Variants in RRAGB observed in about 807,000 individuals in gnomAD.
The protein encoded by RRAGB is ras-related GTP-binding protein B.
Under a neutral mutation model 29.3 loss-of-function variants are expected in RRAGB, and 6 were observed. That is an observed-to-expected ratio of 0.21 (90% confidence interval 0.11 to 0.40). The LOEUF is 0.40. RRAGB is among the 10% of genes least tolerant of loss of function. RRAGB has a pLI of 1.00. For missense variants in RRAGB, 184 were observed against 272.9 expected (o/e 0.67, Z 2.29); for synonymous variants, 101 against 92.5 (o/e 1.09, Z -0.53).
intron 6 of RRAGB, chrX:55,752,252 G>A (rs1234204941): frequency 6.7e-6 from 5 of 751,412 alleles, no homozygotes; most frequent in East Asian, 1.5e-4. Context: ...ACAGGTAACC[G>A]TGAATAAGGA....
In RRAGB at chrX:55,719,355, G is replaced by C; in HGVS notation, c.126+8G>C. ...ACAGCCATGAAGAAAAAGGTAAGAC[G>C]TGTTAGATACGTCAAAACCATGAAG... On this transcript the variant is annotated splice_region_variant and intron_variant, in intron 2 of 9. Coordinates refer to ENST00000374941, the MANE Select transcript of RRAGB (RefSeq NM_006064.5). The C allele has an allele frequency of 8.6e-7, 1 of 1,168,634 alleles. No individual in the cohort carries two copies. Among genetic ancestry groups the C allele is most frequent in the South Asian group, 2.0e-5 (1 of 50,649 alleles).
chrX:55,732,619 C>T (rs938841185), intron 5 of RRAGB, among the ~76,000 whole-genome samples: 13 of 111,710 alleles, frequency 1.2e-4, no homozygotes, highest in Non-Finnish European at 2.1e-4. Flanking sequence ...TTTCAAAAAC[C>T]ATTTGAAGGG....
At chrX:55,756,786 ACAGT>A (rs1459926987) in intron 8 of RRAGB, among the ~76,000 whole-genome samples, 1 of 111,595 alleles carries the variant, frequency 9.0e-6, no homozygotes, top group African/African-American at 3.3e-5. Flanking sequence ...TTTTCATTTC[ACAGT>A]CAGTTTCAAG....
At chrX:55,725,910 G>A in intron 3 of RRAGB, among the ~76,000 whole-genome samples, 1 of 111,012 alleles carries the variant, frequency 9.0e-6, no homozygotes, top group South Asian at 3.8e-4. Flanking sequence ...CCGTAAGTGT[G>A]TGTCATTCCC....
At position 55,725,419 on chromosome X, in the gene RRAGB, A is replaced by G. The variant is rs149180154; in HGVS notation, c.226+3134A>G. Among the ~76,000 whole-genome samples, 97 of 112,107 alleles carry G rather than the reference A, an allele frequency of 8.7e-4. 1 individual carries two copies. The highest frequency in any genetic ancestry group is 2.8e-3 in the African/African-American group (86 of 30,930). On this transcript the variant is annotated intron_variant, in intron 3 of 9. Transcript: ENST00000374941. ...AGAAATACCTGCGTTCTATTGCTAA[A>G]CTTATAGACAAGTTCAAAATGCATA...
At chrX:55,738,384 G>A (rs2033938262) in intron 5 of RRAGB, among the ~76,000 whole-genome samples, 2 of 112,091 alleles carry the variant, frequency 1.8e-5, no homozygotes, top group South Asian at 7.4e-4. Context: ...ATGTTGAGTG[G>A]ATCTGGACCA....
intron 5 of RRAGB, chrX:55,731,802 G>A: frequency 2.7e-6 from 1 of 375,892 alleles, no homozygotes. Context: ...AATTAGGCAA[G>A]GATTCTGTCC....
chrX:55,733,632 C>T (rs749308971), intron 5 of RRAGB, among the ~76,000 whole-genome samples: 1 of 112,301 alleles, frequency 8.9e-6, no homozygotes, highest in Non-Finnish European at 1.9e-5. Flanking sequence ...TTGAACCATA[C>T]TTGCATCCCT....
At chrX:55,754,483 C>T (rs955261685) in intron 7 of RRAGB, among the ~76,000 whole-genome samples, 2 of 112,247 alleles carry the variant, frequency 1.8e-5, no homozygotes, top group African/African-American at 6.5e-5. Context: ...AAGAGCAGTT[C>T]CCAGTAAATA....
intron 3 of RRAGB, among the ~76,000 whole-genome samples, chrX:55,726,243 C>G (rs2033469847): frequency 9.0e-6 from 1 of 111,490 alleles, no homozygotes; most frequent in Non-Finnish European, 1.9e-5. Flanking sequence ...GTGAAAAATT[C>G]AAACATTACA....
Position 55,722,176 on chromosome X carries a change from T to G in RRAGB, c.127-10T>G. ...CTTTTTTCCTTTCCTTTTCCCTACT[T>G]TGTCCTTAGGTGCTGTTGATGGGTA... On this transcript the variant is annotated splice_polypyrimidine_tract_variant and intron_variant, in intron 2 of 9. Coordinates refer to ENST00000374941, the MANE Select transcript of RRAGB (RefSeq NM_006064.5). 8.9e-7 allele frequency: 1 copy of G among 1,122,071 alleles called. No individual in the cohort carries two copies. The highest frequency in any genetic ancestry group is 3.0e-5 in the East Asian group (1 of 33,200). 92.5% of individuals were successfully genotyped at this position (1,122,071 alleles called of 1,213,427 possible). A position where few individuals can be genotyped will look rare whatever the true frequency, so the allele number is the denominator to read the frequency against.
intron 5 of RRAGB, among the ~76,000 whole-genome samples, chrX:55,741,864 A>G (rs1290557720): frequency 8.9e-6 from 1 of 112,184 alleles, no homozygotes; most frequent in Non-Finnish European, 1.9e-5. Flanking sequence ...GGCCTAGTCA[A>G]GTTAACACAT....
At chrX:55,719,770 A>G (rs1265095407) in intron 2 of RRAGB, among the ~76,000 whole-genome samples, 1 of 112,154 alleles carries the variant, frequency 8.9e-6, no homozygotes, top group Non-Finnish European at 1.9e-5. Flanking sequence ...ACCTAACTCA[A>G]GTGTTACCAC....
intron 5 of RRAGB, among the ~76,000 whole-genome samples, chrX:55,740,301 C>T (rs1248866114): frequency 9.3e-6 from 1 of 107,080 alleles, no homozygotes; most frequent in African/African-American, 3.4e-5. Context: ...CTGGCCTGGG[C>T]AAAAGAGCAA....
At chrX:55,741,445 A>G (rs2034068645) in intron 5 of RRAGB, among the ~76,000 whole-genome samples, 1 of 112,538 alleles carries the variant, frequency 8.9e-6, no homozygotes, top group African/African-American at 3.2e-5. Context: ...AACAGCAAGT[A>G]ATAAGTCATT....
intron 1 of RRAGB, 78 bp from the exon 2 acceptor site, chrX:55,719,236 A>G (rs1301754093): frequency 4.6e-6 from 4 of 878,085 alleles, no homozygotes; most frequent in Non-Finnish European, 4.9e-6. Flanking sequence ...TTGTACCTCC[A>G]TGTTTATTTA....
rs1958754212 is a variant in RRAGB at position 55,758,357 on chromosome X, T to C, written c.*14T>C. The C allele has an allele frequency of 3.6e-6, 4 of 1,105,211 alleles. No homozygotes were observed. The highest frequency in any genetic ancestry group is 5.0e-6 in the Non-Finnish European group (4 of 806,482). The allele number at this position is 1,105,211 out of a possible 1,213,427, so 91.1% of individuals were successfully genotyped here. A position where few individuals can be genotyped will look rare whatever the true frequency, so the allele number is the denominator to read the frequency against. ...CTCATGCGCTAAACATTGATGAATATTGTTTCACACAAAAATTAAAAGTTT... is the reference window on the plus strand; with the variant it reads ...CTCATGCGCTAAACATTGATGAATACTGTTTCACACAAAAATTAAAAGTTT... On this transcript the variant is annotated 3_prime_UTR_variant, in exon 10 of 10. Coordinates refer to ENST00000374941, the MANE Select transcript of RRAGB (RefSeq NM_006064.5).
intron 5 of RRAGB, among the ~76,000 whole-genome samples, chrX:55,746,179 A>T (rs2034238642): frequency 9.0e-6 from 1 of 111,317 alleles, no homozygotes; most frequent in African/African-American, 3.3e-5. Flanking sequence ...CTGGGTATTG[A>T]TTGAGAAGCC....
chrX:55,751,382 A>G (rs2034523149), intron 6 of RRAGB, 186 bp downstream of exon 6: 1 of 360,950 alleles, frequency 2.8e-6, no homozygotes, highest in South Asian at 6.0e-5. Flanking sequence ...TTGGGTTTTG[A>G]TCTTATATTG....
Sources: gnomAD v4.1 joint callset for allele counts (sites outside exome capture counted in the v4.1 genomes callset) on GRCh38, gnomAD v4.1.1 for gene constraint, MANE v1.5 for transcripts, NCBI Gene and HGNC (gene_info 2026-07-23, HGNC 2026-07-21) for gene names.